ITPR1: variants seen among roughly 807,000 people sequenced by gnomAD.
ITPR1 encodes the protein inositol 1,4,5-trisphosphate-gated calcium channel ITPR1.
ITPR1 carries 96 observed loss-of-function variants against 318.4 expected under a neutral mutation model. That is an observed-to-expected ratio of 0.30 (90% CI 0.26 to 0.36). ITPR1 has a LOEUF of 0.36. Ranked by LOEUF, ITPR1 falls within the 10% of genes least tolerant of loss-of-function variation. The pLI, the probability that ITPR1 is intolerant of heterozygous loss-of-function variation, is 1.00. For missense variants in ITPR1, 2,440 were observed against 3,460.2 expected, an observed-to-expected ratio of 0.71 and a Z score of 7.40; for synonymous variants, 1,312 against 1,289.9, an observed-to-expected ratio of 1.02 and a Z score of -0.37.
At chr3:4,839,701 T>A (rs898680433) in intron 61 of ITPR1, among the ~76,000 whole-genome samples, 1 of 152,224 alleles carries the variant, frequency 6.6e-6, no homozygotes, top group Non-Finnish European at 1.5e-5. Context: ...AAGATTATTC[T>A]GGATAAGCCA....
chr3:4,540,867 C>G (rs931382989), intron 4 of ITPR1, among the ~76,000 whole-genome samples: 2 of 152,284 alleles, frequency 1.3e-5, no homozygotes, highest in African/African-American at 4.8e-5. Flanking sequence ...TGAGACACCA[C>G]GCCTAGCTGT....
chr3:4,687,883 G>A (rs141517215), intron 30 of ITPR1, among the ~76,000 whole-genome samples: 35 of 152,252 alleles, frequency 2.3e-4, no homozygotes, highest in African/African-American at 7.7e-4. Context: ...TTGCTCTAAT[G>A]TGTGATCTCA....
intron 61 of ITPR1, among the ~76,000 whole-genome samples, chr3:4,838,929 T>C (rs750469619): frequency 2.0e-5 from 3 of 152,240 alleles, no homozygotes; most frequent in Non-Finnish European, 2.9e-5. Flanking sequence ...ATCTGTTATT[T>C]TGAATTGTTC....
chr3:4,525,507 G>A (rs2082907316), intron 4 of ITPR1, among the ~76,000 whole-genome samples: 2 of 152,106 alleles, frequency 1.3e-5, no homozygotes, highest in African/African-American at 4.8e-5. Flanking sequence ...TTCCTCTGTA[G>A]GAAGAAAAGG....
chr3:4,821,372 G>A (rs1304231039), intron 60 of ITPR1, among the ~76,000 whole-genome samples: 2 of 152,230 alleles, frequency 1.3e-5, no homozygotes, highest in African/African-American at 4.8e-5. Context: ...CAACCCAAGA[G>A]AACCAATGGA....
At chr3:4,844,618 A>G (rs1220743070) in intron 61 of ITPR1, among the ~76,000 whole-genome samples, 1 of 152,206 alleles carries the variant, frequency 6.6e-6, no homozygotes, top group Admixed American at 6.5e-5. Flanking sequence ...AATTTATTTC[A>G]TGTGTCATAT....
intron 44 of ITPR1, among the ~76,000 whole-genome samples, chr3:4,757,440 G>T (rs1029704621): frequency 6.6e-6 from 1 of 152,206 alleles, no homozygotes; most frequent in African/African-American, 2.4e-5. Flanking sequence ...AGAGGAGCCT[G>T]TTTATGCCTC....
At position 4,670,722 on chromosome 3, in the gene ITPR1, T is replaced by G. The variant is rs764512335; in HGVS notation, c.2007-7T>G. 2.2e-5 allele frequency: 34 copies of G among 1,564,020 alleles called. No individual in the cohort carries two copies. The East Asian group carries it at 5.7e-4, about 26-fold the overall frequency. On this transcript the variant is annotated splice_polypyrimidine_tract_variant and splice_region_variant and intron_variant, in intron 19 of 61. Transcript: ENST00000649015. ...AGTAACTTTTCCCTCCTCCTCTTGTTTTCTAGGTTGGTTCTTTCTCGTTTT... is the reference window on the plus strand; with the variant it reads ...AGTAACTTTTCCCTCCTCCTCTTGTGTTCTAGGTTGGTTCTTTCTCGTTTT...
At chr3:4,542,876 T>G (rs779476407) in intron 4 of ITPR1, among the ~76,000 whole-genome samples, 4 of 152,220 alleles carry the variant, frequency 2.6e-5, no homozygotes, top group Non-Finnish European at 5.9e-5. Context: ...CATTGCGGGC[T>G]TCTCTGGATT....
At chr3:4,602,802 A>G (rs2091396538) in intron 4 of ITPR1, among the ~76,000 whole-genome samples, 1 of 152,154 alleles carries the variant, frequency 6.6e-6, no homozygotes, top group South Asian at 2.1e-4. Flanking sequence ...TAAAATACCG[A>G]GAATTCATAG....
intron 44 of ITPR1, among the ~76,000 whole-genome samples, chr3:4,738,878 G>T (rs1471593632): frequency 6.6e-6 from 1 of 151,812 alleles, no homozygotes; most frequent in African/African-American, 2.4e-5. Flanking sequence ...GGGGGCCTGT[G>T]GATCCATGCC....
intron 4 of ITPR1, among the ~76,000 whole-genome samples, chr3:4,597,090 T>A (rs2090888761): frequency 6.6e-6 from 1 of 152,238 alleles, no homozygotes; most frequent in Non-Finnish European, 1.5e-5. Context: ...CTCCAGCTTC[T>A]TGCTGCCATG....
At chr3:4,500,645 T>C (rs535852780) in intron 2 of ITPR1, among the ~76,000 whole-genome samples, 1 of 152,208 alleles carries the variant, frequency 6.6e-6, no homozygotes, top group Admixed American at 6.5e-5. Flanking sequence ...GCAATTGACC[T>C]ATCCTTGCCT....
chr3:4,645,096 A>G lies in ITPR1; in HGVS notation c.625-291A>G, dbSNP rs370555103. On this transcript the variant is annotated intron_variant, in intron 8 of 61. Coordinates refer to ENST00000649015, the MANE Select transcript of ITPR1 (RefSeq NM_001378452.1). ...CAGGCCTTTACTTTCTGGCTACAGA[A>G]CAAGAGACTTGGAGGAAAATGAAAA... Among the ~76,000 whole-genome samples, 39 of 152,320 alleles carry G rather than the reference A, an allele frequency of 2.6e-4. 1 individual carries two copies. In the East Asian group the frequency reaches 7.1e-3, roughly 28 times the overall value.
In ITPR1 at chr3:4,811,103, G is replaced by A. The variant is rs112248912; in HGVS notation, c.7273-162G>A. On this transcript the variant is annotated intron_variant, in intron 55 of 61. Transcript: ENST00000649015. ...ATTTTTCCTCATTTTTACCATCTCC[G>A]TTTCACTGTGAAGCCAGGGAAGATG... Among the ~76,000 whole-genome samples, 8 of 151,988 alleles carry A rather than the reference G, an allele frequency of 5.3e-5. No individual in the cohort carries two copies. In the South Asian group the frequency reaches 6.2e-4, roughly 12 times the overall value.
At position 4,786,589 on chromosome 3, in the gene ITPR1, G is replaced by A. The variant is rs542803178; in HGVS notation, c.6616-1358G>A. Among the ~76,000 whole-genome samples the A allele has an allele frequency of 1.1e-4, 17 of 152,364 alleles. No individual in the cohort carries two copies. In the East Asian group the frequency reaches 1.7e-3, roughly 16 times the overall value. ...CCAACCTCTGAGGAGGAAGAAGAGA[G>A]ACTTGTGCCTCTACTATACTGTAAC... On this transcript the variant is annotated intron_variant, in intron 51 of 61. Coordinates refer to ENST00000649015, the MANE Select transcript of ITPR1 (RefSeq NM_001378452.1).
At chr3:4,656,355 G>T (rs2093708143) in intron 12 of ITPR1, among the ~76,000 whole-genome samples, 1 of 152,210 alleles carries the variant, frequency 6.6e-6, no homozygotes, top group Non-Finnish European at 1.5e-5. Flanking sequence ...TTTTGAAAGT[G>T]GCATGTGGAG....
At chr3:4,801,437 C>T (rs2106470284) in intron 54 of ITPR1, among the ~76,000 whole-genome samples, 1 of 152,228 alleles carries the variant, frequency 6.6e-6, no homozygotes, top group African/African-American at 2.4e-5. Flanking sequence ...GAAAAGCTTA[C>T]AGCGGGGAGG....
chr3:4,698,724 C>T (rs573463528), intron 34 of ITPR1, among the ~76,000 whole-genome samples: 4 of 152,190 alleles, frequency 2.6e-5, no homozygotes, highest in Non-Finnish European at 5.9e-5. Flanking sequence ...GGAATATGTT[C>T]TCAGACTGTC....
Sources: allele counts gnomAD v4.1 joint callset (sites outside exome capture counted in the v4.1 genomes callset), GRCh38; gene constraint gnomAD v4.1.1; transcripts MANE v1.5; gene names NCBI Gene and HGNC (gene_info 2026-07-23, HGNC 2026-07-21).